The following ZNF430 variants were observed in gnomAD, a reference collection of about 807,000 sequenced individuals.
The protein encoded by ZNF430 is zinc finger protein 430.
ZNF430 carries 35 observed loss-of-function variants against 56.7 expected under a neutral mutation model. That is an observed-to-expected ratio of 0.62 (90% confidence interval 0.47 to 0.82). The LOEUF (loss-of-function observed/expected upper bound fraction) is 0.82, where lower values mean the gene tolerates loss of function less well. ZNF430 is among the 40% of genes least tolerant of loss of function. The probability of loss-of-function intolerance (pLI) is 0.00; values close to 1 mark genes in which losing one functional copy is unlikely to be tolerated. For synonymous variants in ZNF430, 212 were observed against 224.3 expected (o/e 0.94, Z 0.49); for missense variants, 574 against 661.0 (o/e 0.87, Z 1.44).
At chr19:21,021,201 CTAT>C (rs1191718890) in intron 1 of ZNF430, among the ~76,000 whole-genome samples, 1 of 152,032 alleles carries the variant, frequency 6.6e-6, no homozygotes, top group Non-Finnish European at 1.5e-5. Context: ...CTCTTTTCTC[CTAT>C]TAAAAATGTA....
Position 21,058,682 on chromosome 19 carries a change from T to G in ZNF430, c.*661T>G, listed in dbSNP as rs1968422565. ...GTGAACAGTGTGGCAAAACTTTTAA[T>G]GAATGCTCACACCTTATTGCACAGG... On this transcript the variant is annotated 3_prime_UTR_variant, in exon 5 of 5. Transcript: ENST00000261560. 6.5e-6 allele frequency: 1 copy of G among 153,294 alleles called. No individual in the cohort carries two copies. The highest frequency in any genetic ancestry group is 1.5e-5 in the Non-Finnish European group (1 of 68,116). 9.5% of individuals were successfully genotyped at this position (153,294 alleles called of 1,614,324 possible). A position where few individuals can be genotyped will look rare whatever the true frequency, so the allele number is the denominator to read the frequency against.
chr19:21,046,353 G>T (rs1968186093), intron 4 of ZNF430, among the ~76,000 whole-genome samples: 1 of 151,028 alleles, frequency 6.6e-6, no homozygotes, highest in Admixed American at 6.6e-5. Flanking sequence ...GGTTAATATT[G>T]CTATGTGTGA....
chr19:21,058,340 A>T lies in ZNF430; in HGVS notation c.*319A>T. 4.6e-6 allele frequency: 1 copy of T among 216,686 alleles called. No individual in the cohort carries two copies. Among genetic ancestry groups the T allele is most frequent in the Non-Finnish European group, 9.2e-6 (1 of 108,144 alleles). 13.4% of individuals were successfully genotyped at this position (216,686 alleles called of 1,614,324 possible). A position where few individuals can be genotyped will look rare whatever the true frequency, so the allele number is the denominator to read the frequency against. ...ATGCCTGTAATCCCAGCTACTCGGGAGGCTGAGGCAGGAGAATTGCTTGAA... is the reference window on the plus strand; with the variant it reads ...ATGCCTGTAATCCCAGCTACTCGGGTGGCTGAGGCAGGAGAATTGCTTGAA... On this transcript the variant is annotated 3_prime_UTR_variant, in exon 5 of 5. Transcript: ENST00000261560.
chr19:21,049,012 A>G (rs1362679940), intron 4 of ZNF430, among the ~76,000 whole-genome samples: 1 of 151,986 alleles, frequency 6.6e-6, no homozygotes, highest in Non-Finnish European at 1.5e-5. Flanking sequence ...CCTGGCCAAC[A>G]TGGTGAAACT....
In ZNF430 at chr19:21,060,005, G is replaced by A. The variant is rs936741870; in HGVS notation, c.*1984G>A. On this transcript the variant is annotated 3_prime_UTR_variant, in exon 5 of 5. Transcript: ENST00000261560. ...AATGAAAATAAATTAGTATATTATT[G>A]TACTAATTGTACTTTTGTATAATAA... is the stretch of plus-strand genomic sequence containing the variant. 13 of 151,886 alleles carry A rather than the reference G, an allele frequency of 8.6e-5. No individual in the cohort carries two copies. In the East Asian group the frequency reaches 2.3e-3, roughly 27 times the overall value. 9.4% of individuals were successfully genotyped at this position (151,886 alleles called of 1,614,324 possible).
At chr19:21,042,674 G>A (rs28858186) in intron 4 of ZNF430, among the ~76,000 whole-genome samples, 7,418 of 151,990 alleles carry the variant, frequency 0.049, 576 homozygotes, top group African/African-American at 0.17. Flanking sequence ...TGTGGTCCCC[G>A]CTACTTGGGA....
chr19:21,045,431 C>T (rs1426227887), intron 4 of ZNF430, among the ~76,000 whole-genome samples: 1 of 152,146 alleles, frequency 6.6e-6, no homozygotes, highest in Non-Finnish European at 1.5e-5. Context: ...GCACTGTGGT[C>T]TGAGAGACTG....
intron 4 of ZNF430, among the ~76,000 whole-genome samples, chr19:21,054,823 C>T (rs1017060166): frequency 6.6e-6 from 1 of 151,722 alleles, no homozygotes; most frequent in African/African-American, 2.4e-5. Context: ...TACAGGCGCC[C>T]GCCACCACGC....
At chr19:21,048,230 A>G (rs1258239190) in intron 4 of ZNF430, among the ~76,000 whole-genome samples, 3 of 104,960 alleles carry the variant, frequency 2.9e-5, no homozygotes, top group African/African-American at 3.7e-5. Context: ...TGTTTCTCGC[A>G]GAGGGGGATT....
Position 21,058,300 on chromosome 19 carries a change from C to T in ZNF430, c.*279C>T, listed in dbSNP as rs1159550093. On this transcript the variant is annotated 3_prime_UTR_variant, in exon 5 of 5. Transcript: ENST00000261560. ...TCTCTACTAAAAATACAAAATTAGC[C>T]ATGCGTAGTGGTGCATGCCTGTAAT... The T allele has an allele frequency of 2.2e-5, 8 of 360,854 alleles. No individual in the cohort carries two copies. Among genetic ancestry groups the T allele is most frequent in the East Asian group, 1.1e-4 (2 of 17,564 alleles). 22.4% of individuals were successfully genotyped at this position (360,854 alleles called of 1,614,324 possible).
intron 4 of ZNF430, among the ~76,000 whole-genome samples, chr19:21,053,863 T>G (rs1016168524): frequency 1.3e-5 from 2 of 152,190 alleles, no homozygotes; most frequent in Non-Finnish European, 2.9e-5. Context: ...TCTTAATTTG[T>G]GTCTTTTTTG....
chr19:21,053,227 G>A (rs146851886), intron 4 of ZNF430, among the ~76,000 whole-genome samples: 191 of 151,996 alleles, frequency 1.3e-3, no homozygotes, highest in African/African-American at 4.3e-3. Context: ...ACCTATAGGC[G>A]CCTGGCTACT....
intron 2 of ZNF430, 66 bp downstream of exon 2, chr19:21,022,947 C>T: frequency 8.5e-7 from 1 of 1,170,554 alleles, no homozygotes; most frequent in Non-Finnish European, 1.3e-6. Context: ...AGACACATTG[C>T]TGGTCAACCA....
chr19:21,056,996 G>T lies in ZNF430; in HGVS notation c.688G>T (p.Glu230Ter). 1 of 1,613,980 alleles carries T rather than the reference G, an allele frequency of 6.2e-7. No individual in the cohort carries two copies. The highest frequency in any genetic ancestry group is 1.1e-5 in the South Asian group (1 of 91,012). The change falls in exon 5 of 5, where the codon GAA becomes TAA. Residue 230 changes from glutamate (E) to a stop codon, truncating the protein, a stop_gained. Coordinates refer to ENST00000261560, the MANE Select transcript of ZNF430 (RefSeq NM_025189.4). LOFTEE classifies it high-confidence loss of function. Reference protein sequence around the residue: ...LTQHKRIHIRENSYQCEECGK... With the variant: ...LTQHKRIHIR ...TCAACATAAAAGAATTCATATTAGG[G>T]AAAATTCTTACCAATGTGAAGAATG...
rs116754121 is a variant in ZNF430 at position 21,038,775 on chromosome 19, A to G, written c.322+4591A>G. On this transcript the variant is annotated intron_variant, in intron 4 of 4. Coordinates refer to ENST00000261560, the MANE Select transcript of ZNF430 (RefSeq NM_025189.4). ...GTATAATGCCTGTTTATTCTTTTTC[A>G]TGGGTGTTTGGCTATAGTTCATAAT... Among the ~76,000 whole-genome samples the G allele has an allele frequency of 7.2e-3, 1,103 of 152,212 alleles. 16 individuals carry two copies. Among genetic ancestry groups the G allele is most frequent in the African/African-American group, 0.026 (1,074 of 41,530 alleles).
intron 4 of ZNF430, among the ~76,000 whole-genome samples, chr19:21,039,375 G>A (rs191722193): frequency 5.7e-4 from 83 of 146,612 alleles, no homozygotes; most frequent in African/African-American, 1.9e-3. Context: ...TATTATAGCC[G>A]TGAGCCACTA....
In ZNF430 at chr19:21,060,039, G is replaced by A. The variant is rs1401201149; in HGVS notation, c.*2018G>A. Reference sequence around the variant, plus strand: ...GTACTTTTGTATAATAAAATCCAGTGTATTTTAAAAATGTTAGGTTATGTG... The same window carrying A: ...GTACTTTTGTATAATAAAATCCAGTATATTTTAAAAATGTTAGGTTATGTG... On this transcript the variant is annotated 3_prime_UTR_variant, in exon 5 of 5. Coordinates refer to ENST00000261560, the MANE Select transcript of ZNF430 (RefSeq NM_025189.4). The A allele has an allele frequency of 6.6e-6, 1 of 151,980 alleles. No individual in the cohort carries two copies. The highest frequency in any genetic ancestry group is 1.9e-4 in the East Asian group (1 of 5,192). The allele number at this position is 151,980 out of a possible 1,614,324, so 9.4% of individuals were successfully genotyped here.
At chr19:21,023,445 G>A (rs571070130) in intron 2 of ZNF430, among the ~76,000 whole-genome samples, 2 of 152,252 alleles carry the variant, frequency 1.3e-5, no homozygotes, top group East Asian at 3.9e-4. Flanking sequence ...CATAAAAGTG[G>A]TGGGTTTAAG....
At chr19:21,045,986 T>C (rs1045631094) in intron 4 of ZNF430, among the ~76,000 whole-genome samples, 3 of 152,172 alleles carry the variant, frequency 2.0e-5, no homozygotes, top group Admixed American at 1.3e-4. Flanking sequence ...TTTAATCAGC[T>C]TGACATTCTG....
Sources: gnomAD v4.1 joint callset for allele counts (sites outside exome capture counted in the v4.1 genomes callset) on GRCh38, gnomAD v4.1.1 for gene constraint, MANE v1.5 for transcripts, NCBI Gene and HGNC (gene_info 2026-07-23, HGNC 2026-07-21) for gene names.